ABTB3: variants seen among roughly 807,000 people sequenced by gnomAD.
ABTB3 encodes the protein ankyrin repeat and BTB domain containing 3, also known as ankyrin repeat- and BTB/POZ domain-containing protein 3.
the ABTB3 span, among the ~76,000 whole-genome samples, chr12:107,492,042 A>G: frequency 6.6e-6 from 1 of 152,050 alleles, no homozygotes; most frequent in East Asian, 1.9e-4. Context: ...GGAGTGAGCT[A>G]AAGTGTGGAG....
chr12:107,448,471 G>C, the ABTB3 span, among the ~76,000 whole-genome samples: 3 of 152,244 alleles, frequency 2.0e-5, no homozygotes, highest in South Asian at 6.2e-4. Flanking sequence ...AGAAAGAATG[G>C]AAGGCAGTTC....
At chr12:107,595,091 A>G in the ABTB3 span, among the ~76,000 whole-genome samples, 7 of 152,274 alleles carry the variant, frequency 4.6e-5, no homozygotes, top group East Asian at 1.4e-3. Flanking sequence ...GACCTATGCA[A>G]ACCTAAATGT....
chr12:107,319,872 G>T, the ABTB3 span: 1 of 1,257,412 alleles, frequency 8.0e-7, no homozygotes, highest in Non-Finnish European at 1.0e-6. Flanking sequence ...AGCGGGGGCA[G>T]CAGCTGTTGC....
chr12:107,441,531 G>T, the ABTB3 span, among the ~76,000 whole-genome samples: 1 of 152,032 alleles, frequency 6.6e-6, no homozygotes, highest in Admixed American at 6.6e-5. Flanking sequence ...CCTAGGTGAT[G>T]GGTTGATAGG....
At chr12:107,319,618 G>T in the ABTB3 span, 1 of 1,536,566 alleles carries the variant, frequency 6.5e-7, no homozygotes, top group Non-Finnish European at 8.7e-7. Flanking sequence ...GCCGCGTGGC[G>T]CTGCGCATCC....
chr12:107,640,853 C>T, the ABTB3 span, among the ~76,000 whole-genome samples: 23 of 152,348 alleles, frequency 1.5e-4, no homozygotes, highest in Admixed American at 1.3e-3. Context: ...GAACTGCTCA[C>T]CCTCTATGCC....
chr12:107,608,938 A>AAAATT, the ABTB3 span, among the ~76,000 whole-genome samples: 1 of 91,470 alleles, frequency 1.1e-5, no homozygotes, highest in African/African-American at 5.1e-5. Context: ...AAAATAAAAT[A>AAAATT]AAATAAATAA....
chr12:107,590,515 C>T, the ABTB3 span, among the ~76,000 whole-genome samples: 1 of 152,168 alleles, frequency 6.6e-6, no homozygotes, highest in African/African-American at 2.4e-5. Context: ...AAGGTTGCAA[C>T]ACCAGCAGAG....
the ABTB3 span, among the ~76,000 whole-genome samples, chr12:107,489,704 A>G: frequency 6.6e-6 from 1 of 152,180 alleles, no homozygotes; most frequent in Non-Finnish European, 1.5e-5. Flanking sequence ...AATGTCCCCA[A>G]CGAATGGAAT....
chr12:107,467,875 G>C, the ABTB3 span, among the ~76,000 whole-genome samples: 1 of 152,114 alleles, frequency 6.6e-6, no homozygotes, highest in Non-Finnish European at 1.5e-5. Flanking sequence ...AACAACAGAG[G>C]CTTGCCTGGC....
At chr12:107,618,243 G>T in the ABTB3 span, 1 of 1,613,930 alleles carries the variant, frequency 6.2e-7, no homozygotes, top group South Asian at 1.1e-5. Context: ...CGAGGGGACT[G>T]ACCTGGCGGA....
At chr12:107,620,603 G>C in the ABTB3 span, among the ~76,000 whole-genome samples, 1 of 152,218 alleles carries the variant, frequency 6.6e-6, no homozygotes, top group Non-Finnish European at 1.5e-5. Context: ...GATAGGAATC[G>C]GTAGGATGAG....
chr12:107,649,120 A>T, the ABTB3 span: 2 of 1,224,298 alleles, frequency 1.6e-6, no homozygotes, highest in Non-Finnish European at 2.4e-6. Context: ...AGGTCTCAGG[A>T]ACTAAGCCTG....
At chr12:107,508,511 G>C in the ABTB3 span, among the ~76,000 whole-genome samples, 1 of 137,140 alleles carries the variant, frequency 7.3e-6, no homozygotes, top group African/African-American at 2.8e-5. Flanking sequence ...GAGTGGTGCA[G>C]TGGCATGATC....
the ABTB3 span, among the ~76,000 whole-genome samples, chr12:107,321,626 C>T: frequency 2.7e-4 from 28 of 103,688 alleles, no homozygotes; most frequent in African/African-American, 1.4e-3. Flanking sequence ...CACACACACA[C>T]ACACATCCTG....
the ABTB3 span, chr12:107,635,445 G>A: frequency 6.5e-7 from 1 of 1,542,014 alleles, no homozygotes; most frequent in African/African-American, 1.4e-5. Context: ...TAAGGACGAG[G>A]AGCCAAAGAA....
At chr12:107,508,438 C>CTTTTTTTTTTTTTTTT in the ABTB3 span, among the ~76,000 whole-genome samples, 78 of 69,156 alleles carry the variant, frequency 1.1e-3, 15 homozygotes, top group Non-Finnish European at 1.4e-3. Context: ...AAGATCATTT[C>CTTTTTTTTTTTTTTTT]TTTTTTTTTT....
the ABTB3 span, among the ~76,000 whole-genome samples, chr12:107,467,028 A>G: frequency 6.6e-6 from 1 of 152,150 alleles, no homozygotes; most frequent in African/African-American, 2.4e-5. Context: ...TGTAGTGTCT[A>G]ACTCACAGTG....
chr12:107,555,757 G>A, the ABTB3 span, among the ~76,000 whole-genome samples: 1 of 152,122 alleles, frequency 6.6e-6, no homozygotes. Flanking sequence ...CTCCTGTATT[G>A]TACAGCATAG....
Sources: allele counts gnomAD v4.1 joint callset (sites outside exome capture counted in the v4.1 genomes callset), GRCh38; gene constraint gnomAD v4.1.1; transcripts MANE v1.5; gene names NCBI Gene and HGNC (gene_info 2026-07-23, HGNC 2026-07-21).